Variants in SHC4 observed in about 807,000 individuals in gnomAD.
SHC4 encodes SHC-transforming protein 4.
SHC4 carries 41 observed loss-of-function variants against 69.4 expected under a neutral mutation model. The observed-to-expected ratio is 0.59, with a 90% CI of 0.46 to 0.77. The LOEUF (loss-of-function observed/expected upper bound fraction) is 0.77, where lower values mean the gene tolerates loss of function less well. Ranked by LOEUF, SHC4 falls within the 30% of genes least tolerant of loss-of-function variation. SHC4 has a pLI of 0.00. For synonymous variants in SHC4, 318 were observed against 299.3 expected (o/e 1.06, Z -0.64); for missense variants, 777 against 783.8 (o/e 0.99, Z 0.10).
chr15:48,963,478 C>G lies in SHC4; in HGVS notation c.-463G>C, dbSNP rs1270101684. 1 of 164,746 alleles carries G rather than the reference C, an allele frequency of 6.1e-6. No homozygotes were observed. Among genetic ancestry groups the G allele is most frequent in the Admixed American group, 6.0e-5 (1 of 16,562 alleles). 10.2% of individuals were successfully genotyped at this position (164,746 alleles called of 1,614,324 possible). A position where few individuals can be genotyped will look rare whatever the true frequency, so the allele number is the denominator to read the frequency against. ...GAACTTTCGAACCTGCTCCCTTCGG[C>G]TCTCACAGGGCGGGGCAAATGACTG... is the stretch of plus-strand genomic sequence containing the variant. On this transcript the variant is annotated 5_prime_UTR_variant, in exon 1 of 12. Transcript: ENST00000332408.
chr15:48,908,423 T>G (rs1414438276), intron 2 of SHC4, among the ~76,000 whole-genome samples: 1 of 152,230 alleles, frequency 6.6e-6, no homozygotes, highest in Non-Finnish European at 1.5e-5. Context: ...CTAATTTGTT[T>G]GAGTTCATTG....
chr15:48,839,234 T>A (rs1255185582), intron 10 of SHC4, among the ~76,000 whole-genome samples: 1 of 152,184 alleles, frequency 6.6e-6, no homozygotes, highest in East Asian at 1.9e-4. Context: ...GAACTGCCTC[T>A]AAGCTAATAA....
At chr15:48,848,805 G>A (rs915695051) in intron 9 of SHC4, among the ~76,000 whole-genome samples, 6 of 152,110 alleles carry the variant, frequency 3.9e-5, no homozygotes, top group Non-Finnish European at 7.4e-5. Context: ...ATAAATTTAT[G>A]TTTTTGGAGA....
chr15:48,946,919 G>C (rs774593725), intron 1 of SHC4, among the ~76,000 whole-genome samples: 7 of 151,692 alleles, frequency 4.6e-5, no homozygotes, highest in Admixed American at 2.6e-4. Flanking sequence ...CATTTGAAAA[G>C]GTTGAGAAGA....
intron 6 of SHC4, among the ~76,000 whole-genome samples, chr15:48,865,814 C>A (rs1232805025): frequency 6.6e-6 from 1 of 152,196 alleles, no homozygotes; most frequent in African/African-American, 2.4e-5. Flanking sequence ...CAGGGGTCCT[C>A]TTCAAGCAGC....
chr15:48,836,061 C>T (rs1269694292), intron 10 of SHC4, among the ~76,000 whole-genome samples: 1 of 145,312 alleles, frequency 6.9e-6, no homozygotes, highest in African/African-American at 2.6e-5. Context: ...GGCATAGTGG[C>T]ACGTGCCTGC....
At chr15:48,891,558 T>A (rs1213235672) in intron 2 of SHC4, among the ~76,000 whole-genome samples, 2 of 152,242 alleles carry the variant, frequency 1.3e-5, no homozygotes, top group African/African-American at 4.8e-5. Context: ...TGAGCATTCA[T>A]AACTGCCCAA....
At chr15:48,846,465 G>A (rs1899094616) in intron 9 of SHC4, among the ~76,000 whole-genome samples, 1 of 152,096 alleles carries the variant, frequency 6.6e-6, no homozygotes, top group Non-Finnish European at 1.5e-5. Flanking sequence ...ACAGCAATAT[G>A]CTCCCCCTCC....
chr15:48,846,379 G>A (rs1014352122), intron 9 of SHC4, among the ~76,000 whole-genome samples: 2 of 152,162 alleles, frequency 1.3e-5, no homozygotes, highest in Admixed American at 6.5e-5. Flanking sequence ...GCAGGTATTC[G>A]ATAAATAGTT....
intron 4 of SHC4, 142 bp downstream of exon 4, chr15:48,884,106 T>C: frequency 2.3e-6 from 2 of 860,806 alleles, no homozygotes; most frequent in Non-Finnish European, 3.2e-6. Context: ...ATGATTGTTA[T>C]GCATAAATCT....
At chr15:48,848,064 C>A (rs1426028241) in intron 9 of SHC4, among the ~76,000 whole-genome samples, 2 of 149,946 alleles carry the variant, frequency 1.3e-5, no homozygotes, top group Non-Finnish European at 3.0e-5. Context: ...CCCAAGTAAT[C>A]AAAGACAGGT....
intron 1 of SHC4, among the ~76,000 whole-genome samples, chr15:48,933,459 T>C (rs1225466761): frequency 6.6e-6 from 1 of 152,200 alleles, no homozygotes; most frequent in Non-Finnish European, 1.5e-5. Context: ...CCCATGTTCA[T>C]GGATCAGAAA....
intron 2 of SHC4, among the ~76,000 whole-genome samples, chr15:48,897,275 T>A (rs1463662767): frequency 6.6e-6 from 1 of 152,144 alleles, no homozygotes; most frequent in East Asian, 1.9e-4. Flanking sequence ...AGGGGAGAAG[T>A]GGGCTGATGT....
chr15:48,893,360 T>C (rs947156584), intron 2 of SHC4, among the ~76,000 whole-genome samples: 3 of 152,220 alleles, frequency 2.0e-5, no homozygotes, highest in African/African-American at 7.2e-5. Context: ...CTAAAAACTG[T>C]TTCTGTGAAG....
chr15:48,831,143 C>T (rs1257087222), intron 11 of SHC4, among the ~76,000 whole-genome samples: 1 of 151,646 alleles, frequency 6.6e-6, no homozygotes, highest in Non-Finnish European at 1.5e-5. Flanking sequence ...GCTCTATAAC[C>T]TATATTTTAA....
chr15:48,903,864 C>G (rs1376917912), intron 2 of SHC4, among the ~76,000 whole-genome samples: 1 of 152,162 alleles, frequency 6.6e-6, no homozygotes. Flanking sequence ...CTCCTGAGCT[C>G]AAGTGATCCT....
chr15:48,890,709 T>C (rs543309512), intron 3 of SHC4, 39 bp downstream of exon 3: 1 of 1,611,314 alleles, frequency 6.2e-7, no homozygotes, highest in African/African-American at 1.3e-5. Context: ...TTTGCCATAA[T>C]TAGGGAAACA....
intron 10 of SHC4, among the ~76,000 whole-genome samples, chr15:48,835,313 A>G (rs1898879478): frequency 1.3e-5 from 2 of 152,182 alleles, no homozygotes; most frequent in African/African-American, 4.8e-5. Flanking sequence ...AACAGCTTTT[A>G]TAACTGCAGA....
In SHC4 at chr15:48,833,574, G is replaced by A. The variant is rs139328477; in HGVS notation, c.1737+1195C>T. ...CTTTCTCCTATTTGTACTGAGGAGT[G>A]CCAGCTGCAGCAAGCTATCCTGTGC... On this transcript the variant is annotated intron_variant, in intron 11 of 11. Transcript: ENST00000332408. Among the ~76,000 whole-genome samples the A allele has an allele frequency of 5.8e-4, 88 of 152,240 alleles. 1 individual carries two copies. In the East Asian group the frequency reaches 0.015, roughly 25 times the overall value.
Sources: allele counts gnomAD v4.1 joint callset (sites outside exome capture counted in the v4.1 genomes callset), GRCh38; gene constraint gnomAD v4.1.1; transcripts MANE v1.5; gene names NCBI Gene and HGNC (gene_info 2026-07-23, HGNC 2026-07-21).